The following CNTNAP2 variants were observed in gnomAD, a reference collection of about 807,000 sequenced individuals.
CNTNAP2 encodes contactin-associated protein-like 2.
In CNTNAP2, 98 loss-of-function variants were observed where a neutral mutation model predicts 155.2. The observed-to-expected ratio is 0.63, with a 90% CI of 0.54 to 0.75. CNTNAP2 has a LOEUF of 0.75. Ranked by LOEUF, CNTNAP2 falls within the 30% of genes least tolerant of loss-of-function variation. CNTNAP2 has a pLI of 0.00. For synonymous variants in CNTNAP2, 651 were observed against 631.2 expected (o/e 1.03, Z -0.47); for missense variants, 1,727 against 1,688.1 (o/e 1.02, Z -0.40).
At chr7:147,830,483 G>C (rs1798530251) in intron 13 of CNTNAP2, among the ~76,000 whole-genome samples, 1 of 152,096 alleles carries the variant, frequency 6.6e-6, no homozygotes, top group South Asian at 2.1e-4. Context: ...TATTAATTTG[G>C]TGGGGGTCAC....
chr7:147,363,087 G>T (rs980393609), intron 9 of CNTNAP2, among the ~76,000 whole-genome samples: 1 of 152,160 alleles, frequency 6.6e-6, no homozygotes, highest in East Asian at 1.9e-4. Flanking sequence ...TGTGGCTCAG[G>T]TGATAGCATC....
chr7:148,057,315 G>A (rs10485846), intron 15 of CNTNAP2, among the ~76,000 whole-genome samples: 10,817 of 152,142 alleles, frequency 0.071, 531 homozygotes, highest in South Asian at 0.16. Flanking sequence ...AGGATCAATC[G>A]CTCAATAGCT....
intron 3 of CNTNAP2, among the ~76,000 whole-genome samples, chr7:146,842,824 C>T (rs13237963): frequency 0.011 from 1,591 of 141,172 alleles, 28 homozygotes; most frequent in African/African-American, 0.034. Flanking sequence ...TAGCTGGGAC[C>T]ACAGGCGCCC....
At chr7:146,450,594 C>A (rs1211238429) in intron 1 of CNTNAP2, among the ~76,000 whole-genome samples, 1 of 152,126 alleles carries the variant, frequency 6.6e-6, no homozygotes, top group Admixed American at 6.5e-5. Context: ...TCCTCTTAAA[C>A]GAAGCCACAT....
At chr7:146,768,667 A>G (rs1031438585) in intron 1 of CNTNAP2, among the ~76,000 whole-genome samples, 1 of 151,916 alleles carries the variant, frequency 6.6e-6, no homozygotes, top group African/African-American at 2.4e-5. Flanking sequence ...TTTGCCATGG[A>G]ATTTTTCCTA....
At chr7:146,242,763 T>TA (rs1006483511) in intron 1 of CNTNAP2, among the ~76,000 whole-genome samples, 4 of 152,136 alleles carry the variant, frequency 2.6e-5, no homozygotes, top group African/African-American at 7.2e-5. Context: ...TATTATTTCA[T>TA]AAAAAATTAA....
intron 1 of CNTNAP2, among the ~76,000 whole-genome samples, chr7:146,770,534 A>T (rs1348437606): frequency 6.6e-6 from 1 of 152,006 alleles, no homozygotes; most frequent in Non-Finnish European, 1.5e-5. Context: ...TTACATTCTG[A>T]TAATAATTTT....
intron 10 of CNTNAP2, among the ~76,000 whole-genome samples, chr7:147,477,613 A>G (rs1798345290): frequency 6.6e-6 from 1 of 152,236 alleles, no homozygotes; most frequent in Non-Finnish European, 1.5e-5. Context: ...TTCCATGCCT[A>G]GTAAAAAATG....
intron 1 of CNTNAP2, among the ~76,000 whole-genome samples, chr7:146,672,354 A>T (rs904138036): frequency 6.6e-6 from 1 of 152,210 alleles, no homozygotes; most frequent in African/African-American, 2.4e-5. Flanking sequence ...GTAATTCTAC[A>T]TAGACAATCA....
At chr7:146,976,258 A>G (rs1291037102) in intron 3 of CNTNAP2, among the ~76,000 whole-genome samples, 1 of 152,152 alleles carries the variant, frequency 6.6e-6, no homozygotes, top group African/African-American at 2.4e-5. Context: ...TGTACCAAGT[A>G]AGCAACCAGT....
chr7:147,627,605 T>A (rs1795005594), intron 12 of CNTNAP2, among the ~76,000 whole-genome samples: 1 of 143,296 alleles, frequency 7.0e-6, no homozygotes, highest in African/African-American at 2.6e-5. Flanking sequence ...GGCAGGAGAA[T>A]GGCTTGAACC....
chr7:146,166,260 C>T (rs576202221), intron 1 of CNTNAP2, among the ~76,000 whole-genome samples: 47 of 152,000 alleles, frequency 3.1e-4, no homozygotes, highest in Admixed American at 3.0e-3. Flanking sequence ...TGCCTGGGTA[C>T]TTTTGTATTT....
chr7:147,114,386 A>G (rs754870659), intron 5 of CNTNAP2, among the ~76,000 whole-genome samples: 1 of 152,106 alleles, frequency 6.6e-6, no homozygotes, highest in African/African-American at 2.4e-5. Context: ...TGCCTCGATG[A>G]TCTGTCTAAT....
chr7:146,157,682 G>A, intron 1 of CNTNAP2, among the ~76,000 whole-genome samples: 1 of 152,208 alleles, frequency 6.6e-6, no homozygotes, highest in Admixed American at 6.5e-5. Context: ...CAGCGAGACT[G>A]GGGGAGGGGC....
At chr7:147,865,674 G>A (rs1420739879) in intron 13 of CNTNAP2, among the ~76,000 whole-genome samples, 1 of 152,154 alleles carries the variant, frequency 6.6e-6, no homozygotes, top group Non-Finnish European at 1.5e-5. Flanking sequence ...ATGTGTCCAG[G>A]AATCTATCCA....
chr7:146,883,019 T>C (rs1338827569), intron 3 of CNTNAP2, among the ~76,000 whole-genome samples: 1 of 152,180 alleles, frequency 6.6e-6, no homozygotes, highest in African/African-American at 2.4e-5. Flanking sequence ...TTCAAACCTA[T>C]TCTGATCAAA....
intron 9 of CNTNAP2, among the ~76,000 whole-genome samples, chr7:147,368,350 G>A (rs1202112656): frequency 6.6e-6 from 1 of 152,022 alleles, no homozygotes; most frequent in African/African-American, 2.4e-5. Context: ...ATATTCTGAA[G>A]AATGTCAGTT....
At chr7:148,351,986 G>A (rs1361351802) in intron 21 of CNTNAP2, among the ~76,000 whole-genome samples, 2 of 152,074 alleles carry the variant, frequency 1.3e-5, no homozygotes, top group Admixed American at 6.5e-5. Context: ...ATTCAGAAGG[G>A]GAGAGGGGAA....
chr7:147,522,692 G>C (rs1799248526), intron 11 of CNTNAP2, among the ~76,000 whole-genome samples: 1 of 149,500 alleles, frequency 6.7e-6, no homozygotes, highest in African/African-American at 2.5e-5. Flanking sequence ...TTGAAAGAAT[G>C]CCTTTTTAAA....
Sources: allele counts gnomAD v4.1 joint callset (sites outside exome capture counted in the v4.1 genomes callset), GRCh38; gene constraint gnomAD v4.1.1; transcripts MANE v1.5; gene names NCBI Gene and HGNC (gene_info 2026-07-23, HGNC 2026-07-21).